Variants in NCAM2 observed in about 807,000 individuals in gnomAD.
The protein encoded by NCAM2 is neural cell adhesion molecule 2.
In NCAM2, 30 loss-of-function variants were observed where a neutral mutation model predicts 98.1. The observed-to-expected ratio is 0.31, with a 90% confidence interval of 0.23 to 0.41. The LOEUF (loss-of-function observed/expected upper bound fraction) is 0.41, where lower values mean the gene tolerates loss of function less well. NCAM2 is among the 10% of genes least tolerant of loss of function. The pLI is 1.00. For synonymous variants in NCAM2, 368 were observed against 342.4 expected (o/e 1.07, Z -0.83); for missense variants, 867 against 1,005.8 (o/e 0.86, Z 1.87).
In NCAM2 at chr21:21,448,507, AAAATAAATAAAT is replaced by A. The variant is rs34765240; in HGVS notation, c.1654+16245_1654+16256del. Among the ~76,000 whole-genome samples the A allele has an allele frequency of 4.3e-3, 647 of 151,520 alleles. 5 individuals carry two copies. Among genetic ancestry groups the A allele is most frequent in the Non-Finnish European group, 6.5e-3 (438 of 67,878 alleles). On this transcript the variant is annotated intron_variant, in intron 12 of 17. Coordinates refer to ENST00000400546, the MANE Select transcript of NCAM2 (RefSeq NM_004540.5). ...GCACCTGTATCCTGGAAATTGAAGT[AAAATAAATAAAT>A]AAATAAATAAATAAATAAGTAAAAT...
In NCAM2 at chr21:21,466,578, A is replaced by ATTTTG. The variant is rs756612547; in HGVS notation, c.1655-13_1655-9dup. Reference sequence around the variant, plus strand: ...AGATATATATGTATATATATGTTTTATTTTGTTTTGTTTTGTTTTTCTTCT... The same window carrying ATTTTG: ...AGATATATATGTATATATATGTTTTATTTTGTTTTGTTTTGTTTTGTTTTTCTTCT... On this transcript the variant is annotated intron_variant, in intron 12 of 17. Coordinates refer to ENST00000400546, the MANE Select transcript of NCAM2 (RefSeq NM_004540.5). 29 of 1,472,712 alleles carry ATTTTG rather than the reference A, an allele frequency of 2.0e-5. No homozygotes were observed. In the African/African-American group the frequency reaches 3.7e-4, roughly 19 times the overall value. 91.2% of individuals were successfully genotyped at this position (1,472,712 alleles called of 1,614,324 possible). A position where few individuals can be genotyped will look rare whatever the true frequency, so the allele number is the denominator to read the frequency against.
At chr21:21,490,411 G>A (rs1055721022) in intron 15 of NCAM2, among the ~76,000 whole-genome samples, 15 of 151,854 alleles carry the variant, frequency 9.9e-5, no homozygotes, top group Non-Finnish European at 1.8e-4. Context: ...AATATTGGTT[G>A]TATTAAATTT....
chr21:21,519,454 T>C (rs958106168), intron 16 of NCAM2, among the ~76,000 whole-genome samples: 1 of 152,058 alleles, frequency 6.6e-6, no homozygotes, highest in Non-Finnish European at 1.5e-5. Context: ...CCTGATTGAT[T>C]TTATATTTGG....
chr21:21,064,493 T>C (rs1284478128), intron 1 of NCAM2, among the ~76,000 whole-genome samples: 3 of 152,160 alleles, frequency 2.0e-5, no homozygotes, highest in African/African-American at 4.8e-5. Flanking sequence ...GTTTCTGTCA[T>C]TTATTGTCTT....
chr21:21,145,521 G>A (rs1023265583), intron 1 of NCAM2, among the ~76,000 whole-genome samples: 2 of 152,030 alleles, frequency 1.3e-5, no homozygotes, highest in Admixed American at 6.6e-5. Flanking sequence ...AAACATTACA[G>A]ATAAATAGGC....
At chr21:21,148,340 G>T (rs1419192670) in intron 1 of NCAM2, among the ~76,000 whole-genome samples, 3 of 152,108 alleles carry the variant, frequency 2.0e-5, no homozygotes, top group African/African-American at 7.2e-5. Flanking sequence ...AACAAGCAGG[G>T]ATACACAGCA....
At chr21:21,392,258 A>G (rs756326444) in intron 9 of NCAM2, among the ~76,000 whole-genome samples, 3 of 152,210 alleles carry the variant, frequency 2.0e-5, no homozygotes, top group Non-Finnish European at 2.9e-5. Context: ...AGATCCATCT[A>G]TGTCCCTGCA....
chr21:21,410,198 C>A, intron 9 of NCAM2, 76 bp from the exon 10 acceptor site: 1 of 765,800 alleles, frequency 1.3e-6, no homozygotes, highest in Non-Finnish European at 1.9e-6. Flanking sequence ...GTAGAAATAA[C>A]TAATGCTTAT....
chr21:21,533,161 G>A (rs1015137277), intron 16 of NCAM2, among the ~76,000 whole-genome samples: 1 of 42,960 alleles, frequency 2.3e-5, no homozygotes, highest in African/African-American at 1.0e-4. Flanking sequence ...TTTGTTGTTT[G>A]CTTGCTTTTT....
Position 21,508,865 on chromosome 21 carries a change from G to A in NCAM2, c.2092G>A (p.Gly698Ser). 1 of 855,626 alleles carries A rather than the reference G, an allele frequency of 1.2e-6. No homozygotes were observed. The highest frequency in any genetic ancestry group is 1.8e-6 in the Non-Finnish European group (1 of 564,414). 53.0% of individuals were successfully genotyped at this position (855,626 alleles called of 1,614,324 possible). The change falls in exon 16 of 18, where the codon GGT (glycine) becomes AGT (serine). Residue 698 changes from glycine to serine, a missense_variant. By Grantham distance (56) the Gly-to-Ser change is moderately conservative (BLOSUM62 0). This residue lies in a region of NCAM2 where 234 missense variants were observed against 333.8 expected (regional missense o/e 0.70). Coordinates refer to ENST00000400546, the MANE Select transcript of NCAM2 (RefSeq NM_004540.5). ...PNIIKDTLFNGLGLGAVIGLG... is the reference protein window; with the variant it reads ...PNIIKDTLFNSLGLGAVIGLG... Reference sequence around the variant, plus strand: ...TACTTTTTAAGACACGCTGTTTAATGGTCTTGGGCTTGGAGCAGTAATTGG... The same window carrying A: ...TACTTTTTAAGACACGCTGTTTAATAGTCTTGGGCTTGGAGCAGTAATTGG...
chr21:21,066,047 C>T (rs951747346), intron 1 of NCAM2, among the ~76,000 whole-genome samples: 1 of 152,090 alleles, frequency 6.6e-6, no homozygotes, highest in African/African-American at 2.4e-5. Flanking sequence ...TTAAGTGCCC[C>T]TATGATCAGT....
At chr21:21,161,520 T>C (rs2067783419) in intron 1 of NCAM2, among the ~76,000 whole-genome samples, 1 of 151,692 alleles carries the variant, frequency 6.6e-6, no homozygotes, top group African/African-American at 2.4e-5. Context: ...ATCTCATAAT[T>C]GAGAATTGTT....
At chr21:21,014,249 C>T (rs888903899) in intron 1 of NCAM2, among the ~76,000 whole-genome samples, 2 of 151,992 alleles carry the variant, frequency 1.3e-5, no homozygotes, top group Admixed American at 6.6e-5. Flanking sequence ...CATGATGAAA[C>T]CCCATCTCTA....
chr21:21,249,442 A>G (rs2071398622), intron 1 of NCAM2, among the ~76,000 whole-genome samples: 1 of 152,104 alleles, frequency 6.6e-6, no homozygotes, highest in Non-Finnish European at 1.5e-5. Flanking sequence ...TTACCCAACC[A>G]GGGCAGTTAG....
chr21:21,338,641 T>G, intron 8 of NCAM2, 107 bp downstream of exon 8: 1 of 1,165,870 alleles, frequency 8.6e-7, no homozygotes, highest in Non-Finnish European at 1.2e-6. Flanking sequence ...ACTTGTAGGA[T>G]CAAATAAATG....
chr21:21,046,278 TCA>T (rs2065006433), intron 1 of NCAM2, among the ~76,000 whole-genome samples: 1 of 152,158 alleles, frequency 6.6e-6, no homozygotes, highest in South Asian at 2.1e-4. Flanking sequence ...AAAGTTTATC[TCA>T]GTGTCATGCA....
intron 1 of NCAM2, among the ~76,000 whole-genome samples, chr21:21,250,810 G>A (rs1468725677): frequency 6.6e-6 from 1 of 152,152 alleles, no homozygotes; most frequent in Non-Finnish European, 1.5e-5. Context: ...TCATCCAGTG[G>A]TAAAGGATGA....
chr21:21,346,284 G>C lies in NCAM2; in HGVS notation c.1044+7750G>C, dbSNP rs150076904. ...TTTCAAAACAAAAACTATAAGAAAA[G>C]ACAAAGAAGGTTAATATATAATGAC... On this transcript the variant is annotated intron_variant, in intron 8 of 17. Coordinates refer to ENST00000400546, the MANE Select transcript of NCAM2 (RefSeq NM_004540.5). 9.7e-5 allele frequency among the ~76,000 whole-genome samples: 14 copies of C among 143,992 alleles called. 1 individual carries two copies. Among genetic ancestry groups the C allele is most frequent in the Admixed American group, 9.7e-4 (14 of 14,462 alleles). The allele number at this position is 143,992 out of a possible 152,430, so 94.5% of individuals were successfully genotyped here.
intron 16 of NCAM2, among the ~76,000 whole-genome samples, chr21:21,530,178 A>G (rs1021303894): frequency 3.7e-5 from 5 of 134,452 alleles, no homozygotes; most frequent in Middle Eastern, 4.0e-3. Flanking sequence ...ATTTAATTAT[A>G]TATGATTTAA....
Sources: gnomAD v4.1 joint callset for allele counts (sites outside exome capture counted in the v4.1 genomes callset) on GRCh38, gnomAD v4.1.1 for gene constraint, gnomAD v4.1.1 regional missense constraint, MANE v1.5 for transcripts, NCBI Gene and HGNC (gene_info 2026-07-23, HGNC 2026-07-21) for gene names.